The following ACBD6 variants were observed in gnomAD, a reference collection of about 807,000 sequenced individuals.
ACBD6 encodes acyl-CoA binding domain containing 6.
In ACBD6, 28 loss-of-function variants were observed where a neutral mutation model predicts 37.2. That is an observed-to-expected ratio of 0.75 (90% CI 0.56 to 1.03). The LOEUF (loss-of-function observed/expected upper bound fraction) is 1.03. Among genes scored for constraint, ACBD6 ranks in the 50% least tolerant of loss-of-function variants. ACBD6 has a pLI of 0.00. For synonymous variants in ACBD6, 113 were observed against 126.8 expected (o/e 0.89, Z 0.73); for missense variants, 340 against 337.4 (o/e 1.01, Z -0.06).
intron 3 of ACBD6, among the ~76,000 whole-genome samples, chr1:180,445,711 G>C (rs905577558): frequency 6.6e-6 from 1 of 151,960 alleles, no homozygotes; most frequent in Non-Finnish European, 1.5e-5. Flanking sequence ...GATCACTTGA[G>C]CTCAGGAGTT....
chr1:180,318,099 T>G (rs994804627), intron 6 of ACBD6, among the ~76,000 whole-genome samples: 1 of 147,726 alleles, frequency 6.8e-6, no homozygotes, highest in African/African-American at 2.5e-5. Flanking sequence ...GAGATGGAGG[T>G]TGCAGTGAGC....
At chr1:180,410,090 C>T (rs557612210) in intron 5 of ACBD6, among the ~76,000 whole-genome samples, 1 of 152,350 alleles carries the variant, frequency 6.6e-6, no homozygotes, top group East Asian at 1.9e-4. Flanking sequence ...TTCCCTTATG[C>T]CAAAGCCTGA....
chr1:180,357,028 C>T (rs1652657683), intron 6 of ACBD6, among the ~76,000 whole-genome samples: 1 of 152,062 alleles, frequency 6.6e-6, no homozygotes, highest in Admixed American at 6.6e-5. Context: ...AAGGAAAAAG[C>T]TCAACTAACA....
At chr1:180,361,100 T>A (rs1652831288) in intron 6 of ACBD6, among the ~76,000 whole-genome samples, 2 of 152,156 alleles carry the variant, frequency 1.3e-5, no homozygotes, top group Non-Finnish European at 2.9e-5. Flanking sequence ...TTTTTATTTA[T>A]CCCATTAGAG....
chr1:180,409,928 T>C (rs1436463055), intron 5 of ACBD6, among the ~76,000 whole-genome samples: 6 of 152,350 alleles, frequency 3.9e-5, no homozygotes, highest in African/African-American at 1.4e-4. Context: ...GCTAGGCCTC[T>C]TGTGCCAAAC....
At chr1:180,415,060 G>C (rs1247197670) in intron 4 of ACBD6, among the ~76,000 whole-genome samples, 1 of 151,730 alleles carries the variant, frequency 6.6e-6, no homozygotes, top group African/African-American at 2.4e-5. Context: ...CTGGGCAACA[G>C]AGCGAGACTC....
intron 12 of ACBD6, chr1:180,272,957 T>C (rs2764450): frequency 0.96 from 146,101 of 152,328 alleles, 70,143 homozygotes; most frequent in East Asian, 0.99. Context: ...CCTGGTCATT[T>C]GGGATGACAG....
chr1:180,271,820 G>C, exon 14 of ACBD6: 1 of 1,613,884 alleles, frequency 6.2e-7, no homozygotes, highest in Non-Finnish European at 8.5e-7. Context: ...TATGTCCCTT[G>C]TGCTTGTGTG....
intron 6 of ACBD6, among the ~76,000 whole-genome samples, chr1:180,346,205 G>A (rs367630561): frequency 6.6e-6 from 1 of 152,214 alleles, no homozygotes; most frequent in East Asian, 1.9e-4. Context: ...AAACTACATC[G>A]TGGAGTAATC....
intron 9 of ACBD6, among the ~76,000 whole-genome samples, chr1:180,279,512 G>A (rs994972953): frequency 3.3e-5 from 5 of 152,122 alleles, no homozygotes; most frequent in Non-Finnish European, 1.5e-5. Flanking sequence ...TGGCCAGGCT[G>A]GTCTCGAACT....
intron 3 of ACBD6, among the ~76,000 whole-genome samples, chr1:180,463,611 G>C (rs1650234522): frequency 6.6e-6 from 1 of 152,034 alleles, no homozygotes; most frequent in Non-Finnish European, 1.5e-5. Flanking sequence ...ATTCACAGCT[G>C]AATTCTATCA....
Position 180,375,451 on chromosome 1 carries a change from G to A in ACBD6, c.663+22065C>T, listed in dbSNP as rs542169435. 2.6e-5 allele frequency among the ~76,000 whole-genome samples: 4 copies of A among 152,232 alleles called. No homozygotes were observed. The East Asian group carries it at 5.8e-4, about 22-fold the overall frequency. On this transcript the variant is annotated intron_variant, in intron 6 of 7. Transcript: ENST00000367595. Reference sequence around the variant, plus strand: ...GGTGATCCTCCTGCTTCAGCCTCATGAGTAGCTGGGACGAGAGGTGCACAC... The same window carrying A: ...GGTGATCCTCCTGCTTCAGCCTCATAAGTAGCTGGGACGAGAGGTGCACAC...
intron 7 of ACBD6, among the ~76,000 whole-genome samples, chr1:180,292,722 T>C (rs1649761674): frequency 6.6e-6 from 1 of 152,222 alleles, no homozygotes; most frequent in Admixed American, 6.5e-5. Context: ...TTTCATTTCT[T>C]TTTCTTGCCT....
rs189216506 is a variant in ACBD6 at position 180,417,507 on chromosome 1, T to C, written c.468-4036A>G. Among the ~76,000 whole-genome samples, 222 of 152,350 alleles carry C rather than the reference T, an allele frequency of 1.5e-3. 1 individual carries two copies. The highest frequency in any genetic ancestry group is 2.5e-3 in the Non-Finnish European group (173 of 68,024). The stretch of plus-strand genomic sequence containing the variant: ...TACACTTTCCCTGGCTCTATTTTTA[T>C]GTTCACAAATAATCATTTAACTATT... On this transcript the variant is annotated intron_variant, in intron 4 of 7. Coordinates refer to ENST00000367595, the MANE Select transcript of ACBD6 (RefSeq NM_032360.4).
intron 3 of ACBD6, among the ~76,000 whole-genome samples, chr1:180,450,905 A>G (rs1171381933): frequency 6.6e-6 from 1 of 152,168 alleles, no homozygotes; most frequent in African/African-American, 2.4e-5. Flanking sequence ...GGCTTAATAT[A>G]AAAAGAAGCT....
intron 3 of ACBD6, among the ~76,000 whole-genome samples, chr1:180,446,643 T>C (rs1372328198): frequency 6.6e-6 from 1 of 152,170 alleles, no homozygotes; most frequent in Non-Finnish European, 1.5e-5. Flanking sequence ...ATTTATAAAA[T>C]TTTTCAAGAA....
chr1:180,272,091 C>CTTTTTTTTTTTTTTT, intron 13 of ACBD6: 1 of 1,289,456 alleles, frequency 7.8e-7, no homozygotes, highest in South Asian at 1.5e-5. Context: ...AGGGATCTTT[C>CTTTTTTTTTTTTTTT]TTGAGGCCTT....
At chr1:180,423,501 T>G (rs993274930) in intron 4 of ACBD6, among the ~76,000 whole-genome samples, 2 of 152,194 alleles carry the variant, frequency 1.3e-5, no homozygotes, top group Admixed American at 1.3e-4. Context: ...GCCTTCAAAT[T>G]GAAACTTCCA....
intron 3 of ACBD6, among the ~76,000 whole-genome samples, chr1:180,472,826 AGTAATACAGCCTGAAGAG>A (rs1432874601): frequency 6.6e-6 from 1 of 152,230 alleles, no homozygotes; most frequent in Admixed American, 6.5e-5. Context: ...GTTTATGCTA[AGTAATACAGCCTGAAGAG>A]GTTCAATAAA....
Sources: allele counts gnomAD v4.1 joint callset (sites outside exome capture counted in the v4.1 genomes callset), GRCh38; gene constraint gnomAD v4.1.1; transcripts MANE v1.5; gene names NCBI Gene and HGNC (gene_info 2026-07-23, HGNC 2026-07-21).